The following MYO16 variants were observed in gnomAD, a reference collection of about 807,000 sequenced individuals.
MYO16 encodes unconventional myosin-XVI.
MYO16 carries 94 observed loss-of-function variants against 205.3 expected under a neutral mutation model. That is an observed-to-expected ratio of 0.46 (90% confidence interval 0.39 to 0.54). The LOEUF (loss-of-function observed/expected upper bound fraction) is 0.54, where lower values mean the gene tolerates loss of function less well. Among genes scored for constraint, MYO16 ranks in the 20% least tolerant of loss-of-function variants. The pLI is 0.00. For missense variants in MYO16, 2,315 were observed against 2,387.5 expected, an observed-to-expected ratio of 0.97 and a Z score of 0.63; for synonymous variants, 988 against 954.0, an observed-to-expected ratio of 1.04 and a Z score of -0.66.
chr13:109,043,520 TGAACA>T (rs1886946626), intron 23 of MYO16, among the ~76,000 whole-genome samples: 1 of 152,170 alleles, frequency 6.6e-6, no homozygotes, highest in African/African-American at 2.4e-5. Context: ...TCAGAGGTTC[TGAACA>T]GGAGAAATGA....
chr13:108,500,424 T>TGG, the MYO16 span, among the ~76,000 whole-genome samples: 1 of 151,254 alleles, frequency 6.6e-6, no homozygotes, highest in Non-Finnish European at 1.5e-5. Context: ...GAGATGGGGT[T>TGG]TCACTGTGTG....
intron 4 of MYO16, among the ~76,000 whole-genome samples, chr13:108,749,789 G>A (rs77689345): frequency 0.012 from 1,879 of 152,280 alleles, 34 homozygotes; most frequent in African/African-American, 0.042. Context: ...TTACACAAAT[G>A]AGTTGAAAAC....
chr13:108,795,150 C>A (rs9559413), intron 6 of MYO16, among the ~76,000 whole-genome samples: 1 of 150,932 alleles, frequency 6.6e-6, no homozygotes, highest in African/African-American at 2.4e-5. Context: ...AGTCTAACTT[C>A]AAAATGTTAT....
the MYO16 span, among the ~76,000 whole-genome samples, chr13:108,560,399 T>C: frequency 6.6e-6 from 1 of 152,218 alleles, no homozygotes; most frequent in African/African-American, 2.4e-5. Flanking sequence ...TCAAGCCAAA[T>C]TTGTCAAGAT....
At chr13:108,528,564 CTCCTCTCCCCTCCCCTCCCCTT>C in the MYO16 span, among the ~76,000 whole-genome samples, 1 of 135,248 alleles carries the variant, frequency 7.4e-6, no homozygotes, top group Non-Finnish European at 1.6e-5. Context: ...CTCCTCTCCT[CTCCTCTCCCCTCCCCTCCCCTT>C]TCCCCTCCTC....
intron 11 of MYO16, among the ~76,000 whole-genome samples, chr13:108,864,919 TC>T (rs1214837480): frequency 1.3e-5 from 2 of 152,144 alleles, no homozygotes; most frequent in East Asian, 3.8e-4. Context: ...CACATAGTTA[TC>T]TTTTTCTTTT....
intron 2 of MYO16, among the ~76,000 whole-genome samples, chr13:108,698,261 AC>A (rs1883165990): frequency 6.6e-6 from 1 of 152,108 alleles, no homozygotes; most frequent in African/African-American, 2.4e-5. Context: ...ATGCAGGAGG[AC>A]CCCTTTCTGA....
intron 2 of MYO16, among the ~76,000 whole-genome samples, chr13:108,693,484 C>A (rs1291885193): frequency 6.6e-6 from 1 of 152,128 alleles, no homozygotes; most frequent in African/African-American, 2.4e-5. Context: ...AGAAATTACA[C>A]CATATATAAC....
chr13:109,019,715 C>T lies in MYO16; in HGVS notation c.2600C>T (p.Pro867Leu). The change falls in exon 23 of 35, where the codon CCA becomes CTA. Residue 867 changes from proline (P) to leucine (L), a missense_variant. Transcript: ENST00000457511. Reference sequence around the variant, plus strand: ...CCATCTCTTCTTAACTCTCAGAAGCCATCTGGATTTCTCACCTTATTGGAT... The same window carrying T: ...CCATCTCTTCTTAACTCTCAGAAGCTATCTGGATTTCTCACCTTATTGGAT... ...NGVLDFFFQK[P>L]SGFLTLLDEE... 1.9e-6 allele frequency: 3 copies of T among 1,613,290 alleles called. No individual in the cohort carries two copies. The highest frequency in any genetic ancestry group is 2.5e-6 in the Non-Finnish European group (3 of 1,179,484).
At chr13:108,775,179 T>C (rs1430297685) in intron 4 of MYO16, among the ~76,000 whole-genome samples, 1 of 152,190 alleles carries the variant, frequency 6.6e-6, no homozygotes, top group Non-Finnish European at 1.5e-5. Context: ...CTTCATTCTG[T>C]ACAGAAAATA....
chr13:108,633,489 G>T (rs1250232297), intron 1 of MYO16, among the ~76,000 whole-genome samples: 1 of 152,162 alleles, frequency 6.6e-6, no homozygotes, highest in Non-Finnish European at 1.5e-5. Flanking sequence ...AGCCAGCCTG[G>T]TTCTTCCATG....
chr13:108,610,101 T>G (rs997873434), intron 1 of MYO16, among the ~76,000 whole-genome samples: 1 of 152,198 alleles, frequency 6.6e-6, no homozygotes, highest in Non-Finnish European at 1.5e-5. Flanking sequence ...TATCCAGGCT[T>G]ACTCTTTCTT....
intron 4 of MYO16, among the ~76,000 whole-genome samples, chr13:108,759,439 T>A (rs1455097323): frequency 1.3e-5 from 2 of 152,218 alleles, no homozygotes; most frequent in Non-Finnish European, 2.9e-5. Context: ...AAGACGTGAC[T>A]CAGGAGAAAC....
At chr13:108,630,400 A>G (rs1879926406) in intron 1 of MYO16, among the ~76,000 whole-genome samples, 1 of 152,020 alleles carries the variant, frequency 6.6e-6, no homozygotes, top group Non-Finnish European at 1.5e-5. Context: ...GACTCCAGGG[A>G]CTCTGTACCA....
chr13:108,834,043 CAT>C (rs1876766887), intron 9 of MYO16, among the ~76,000 whole-genome samples: 2 of 151,824 alleles, frequency 1.3e-5, no homozygotes, highest in Admixed American at 6.6e-5. Flanking sequence ...TGCAGAAAAA[CAT>C]ATAGAAACAT....
chr13:109,059,636 T>C (rs553016906), intron 27 of MYO16, among the ~76,000 whole-genome samples: 42 of 152,298 alleles, frequency 2.8e-4, no homozygotes, highest in African/African-American at 9.4e-4. Context: ...TTTGTTTAAG[T>C]TCCTTGTAGA....
the MYO16 span, among the ~76,000 whole-genome samples, chr13:108,561,936 C>T: frequency 4.6e-4 from 70 of 152,244 alleles, 1 homozygote; most frequent in East Asian, 0.012. Context: ...ATCATTCCAT[C>T]AATACATGTA....
Position 109,091,602 on chromosome 13 carries a change from C to T in MYO16, c.3336-9183C>T, listed in dbSNP as rs533611896. On this transcript the variant is annotated intron_variant, in intron 27 of 34. Transcript: ENST00000457511. ...GCTTCTCTTCCTCTGCAGTGCTCAG[C>T]ACTGGCGACCGCATTTCCAACTTTG... 2.0e-4 allele frequency among the ~76,000 whole-genome samples: 30 copies of T among 152,312 alleles called. No individual in the cohort carries two copies. In the South Asian group the frequency reaches 6.0e-3, roughly 30 times the overall value.
intron 21 of MYO16, among the ~76,000 whole-genome samples, chr13:108,997,330 A>AG (rs1885047324): frequency 1.7e-4 from 1 of 5,886 alleles, no homozygotes; most frequent in African/African-American, 7.1e-4. Flanking sequence ...GAAAGAAAGA[A>AG]AGAAAGAAAG....
Sources: gnomAD v4.1 joint callset for allele counts (sites outside exome capture counted in the v4.1 genomes callset) on GRCh38, gnomAD v4.1.1 for gene constraint, MANE v1.5 for transcripts, NCBI Gene and HGNC (gene_info 2026-07-23, HGNC 2026-07-21) for gene names.